Variants in MAP7 observed in about 807,000 individuals in gnomAD.
MAP7 encodes ensconsin.
In MAP7, 52 loss-of-function variants were observed where a neutral mutation model predicts 94.8. The observed-to-expected ratio is 0.55, with a 90% confidence interval of 0.44 to 0.69. MAP7 has a LOEUF of 0.69. MAP7 is among the 30% of genes least tolerant of loss of function. MAP7 has a pLI of 0.00. For missense variants in MAP7, 940 were observed against 964.6 expected, an observed-to-expected ratio of 0.97 and a Z score of 0.34; for synonymous variants, 350 against 357.0, an observed-to-expected ratio of 0.98 and a Z score of 0.22.
chr6:136,382,765 C>T (rs1778150428), intron 6 of MAP7, among the ~76,000 whole-genome samples: 1 of 152,076 alleles, frequency 6.6e-6, no homozygotes, highest in Non-Finnish European at 1.5e-5. Flanking sequence ...ACAGAACATG[C>T]ACACATTACA....
In MAP7 at chr6:136,389,428, C is replaced by T. The variant is rs1780066033; in HGVS notation, c.334G>A (p.Glu112Lys). ...HLEERKKRLE[E>K]QRQKEERRRA... Reference sequence around the variant, plus strand: ...CTCCGCTCCTCCTTCTGCCTCTGCTCCTCCAACCTCTTCTTCCGCTCTTCC... The same window carrying T: ...CTCCGCTCCTCCTTCTGCCTCTGCTTCTCCAACCTCTTCTTCCGCTCTTCC... The change falls in exon 4 of 18, where the codon GAG becomes AAG. Residue 112 changes from glutamate (E) to lysine (K), a missense_variant. Glu to Lys is a moderately conservative substitution (Grantham distance 56, BLOSUM62 1). Transcript: ENST00000354570. The T allele has an allele frequency of 6.2e-7, 1 of 1,600,592 alleles. No individual in the cohort carries two copies. The highest frequency in any genetic ancestry group is 8.5e-7 in the Non-Finnish European group (1 of 1,175,080).
chr6:136,393,084 C>T (rs553466567), intron 3 of MAP7, among the ~76,000 whole-genome samples: 2 of 152,136 alleles, frequency 1.3e-5, no homozygotes, highest in South Asian at 2.1e-4. Context: ...CTTATTAATA[C>T]GTGGCTCTAT....
At chr6:136,497,161 G>C (rs774776476) in intron 1 of MAP7, among the ~76,000 whole-genome samples, 5 of 151,872 alleles carry the variant, frequency 3.3e-5, no homozygotes, top group African/African-American at 4.9e-5. Flanking sequence ...CAGAACCTTG[G>C]GGGTAAGAAG....
At chr6:136,519,517 A>G (rs1464602993) in intron 1 of MAP7, among the ~76,000 whole-genome samples, 1 of 152,226 alleles carries the variant, frequency 6.6e-6, no homozygotes, top group East Asian at 1.9e-4. Flanking sequence ...AAAAAGATTC[A>G]TGACTTAGAA....
At chr6:136,347,697 C>T (rs540959820) in intron 16 of MAP7, among the ~76,000 whole-genome samples, 3 of 152,248 alleles carry the variant, frequency 2.0e-5, no homozygotes, top group South Asian at 2.1e-4. Flanking sequence ...TGAGCCACCA[C>T]GCCCAGTCAA....
intron 8 of MAP7, among the ~76,000 whole-genome samples, chr6:136,367,829 G>A (rs1162809746): frequency 6.6e-6 from 1 of 152,164 alleles, no homozygotes; most frequent in African/African-American, 2.4e-5. Context: ...AGGGTGGCAT[G>A]CCCAGGTCTT....
chr6:136,518,201 T>G (rs761419709), intron 1 of MAP7, among the ~76,000 whole-genome samples: 1 of 152,180 alleles, frequency 6.6e-6, no homozygotes, highest in Non-Finnish European at 1.5e-5. Flanking sequence ...TAATTTAGAA[T>G]GAATCTAGTC....
At chr6:136,350,953 A>G (rs1789009742) in intron 16 of MAP7, among the ~76,000 whole-genome samples, 1 of 152,220 alleles carries the variant, frequency 6.6e-6, no homozygotes. Flanking sequence ...GATCAGTGCT[A>G]GGTTTAGTTT....
rs957184252 is a variant in MAP7, at chr6:136,437,110, T to C, written c.68-15311A>G. 2.6e-5 allele frequency among the ~76,000 whole-genome samples: 4 copies of C among 152,242 alleles called. No homozygotes were observed. In the East Asian group the frequency reaches 7.7e-4, roughly 29 times the overall value. On this transcript the variant is annotated intron_variant, in intron 1 of 17. Coordinates refer to ENST00000354570, the MANE Select transcript of MAP7 (RefSeq NM_003980.6). ...TATCGGAGGAAGGAGCAGTTTCAGCTTTCTGCCCTTCTCAGCACTCCCTGG... is the reference window on the plus strand; with the variant it reads ...TATCGGAGGAAGGAGCAGTTTCAGCCTTCTGCCCTTCTCAGCACTCCCTGG...
chr6:136,498,628 C>A (rs1384172179), intron 1 of MAP7, among the ~76,000 whole-genome samples: 1 of 151,796 alleles, frequency 6.6e-6, no homozygotes, highest in Non-Finnish European at 1.5e-5. Context: ...AAGGTAGAGT[C>A]CCAAACATCA....
intron 3 of MAP7, among the ~76,000 whole-genome samples, chr6:136,397,990 C>T (rs890552782): frequency 6.6e-6 from 1 of 152,156 alleles, no homozygotes; most frequent in African/African-American, 2.4e-5. Flanking sequence ...CCACTGTAGC[C>T]TGTGAAATAC....
At chr6:136,415,304 A>G (rs1468966083) in intron 2 of MAP7, among the ~76,000 whole-genome samples, 1 of 152,226 alleles carries the variant, frequency 6.6e-6, no homozygotes, top group Non-Finnish European at 1.5e-5. Flanking sequence ...TAAAAGCCAT[A>G]TGAGCACATT....
chr6:136,523,685 A>G (rs1827050271), intron 1 of MAP7, among the ~76,000 whole-genome samples: 1 of 152,130 alleles, frequency 6.6e-6, no homozygotes, highest in South Asian at 2.1e-4. Context: ...TTATCAGCAC[A>G]GGATTTTTTT....
At chr6:136,398,719 A>G (rs987455312) in intron 3 of MAP7, among the ~76,000 whole-genome samples, 1 of 152,210 alleles carries the variant, frequency 6.6e-6, no homozygotes, top group Non-Finnish European at 1.5e-5. Flanking sequence ...CTCCTCAGCC[A>G]CGTGGAACTT....
chr6:136,344,662 GT>G (rs1285635554), intron 17 of MAP7, among the ~76,000 whole-genome samples: 2 of 152,202 alleles, frequency 1.3e-5, no homozygotes, highest in Non-Finnish European at 2.9e-5. Flanking sequence ...CACTGGGCAT[GT>G]TTCCATCAAC....
chr6:136,394,088 A>C (rs1339388738), intron 3 of MAP7, among the ~76,000 whole-genome samples: 1 of 148,944 alleles, frequency 6.7e-6, no homozygotes, highest in Non-Finnish European at 1.5e-5. Context: ...GGTTCAAACG[A>C]TTCTCCTGCC....
At position 136,365,670 on chromosome 6, in the gene MAP7, G is replaced by C. The variant is rs1426572508; in HGVS notation, c.1273+65C>G. ...AAAGAAGAAAAGGAAAACAAAAAAA[G>C]CTTCATCAAAACAGTGCGGGAGAAA... On this transcript the variant is annotated intron_variant, in intron 10 of 17. Coordinates refer to ENST00000354570, the MANE Select transcript of MAP7 (RefSeq NM_003980.6). 41 of 1,516,360 alleles carry C rather than the reference G, an allele frequency of 2.7e-5. No individual in the cohort carries two copies. In the East Asian group the frequency reaches 5.0e-4, roughly 19 times the overall value. The allele number at this position is 1,516,360 out of a possible 1,614,324, so 93.9% of individuals were successfully genotyped here.
chr6:136,424,398 T>C (rs1012178919), intron 1 of MAP7, among the ~76,000 whole-genome samples: 2 of 151,822 alleles, frequency 1.3e-5, no homozygotes, highest in Non-Finnish European at 2.9e-5. Flanking sequence ...CCTTATGAAA[T>C]CTTTATTGAT....
intron 16 of MAP7, among the ~76,000 whole-genome samples, chr6:136,347,835 GC>G (rs1472722912): frequency 6.6e-6 from 1 of 152,170 alleles, no homozygotes; most frequent in Non-Finnish European, 1.5e-5. Context: ...AAATGAAGAT[GC>G]CTGTCCTAAG....
Sources: gnomAD v4.1 joint callset for allele counts (sites outside exome capture counted in the v4.1 genomes callset) on GRCh38, gnomAD v4.1.1 for gene constraint, MANE v1.5 for transcripts, NCBI Gene and HGNC (gene_info 2026-07-23, HGNC 2026-07-21) for gene names.